NEB: variants seen among roughly 807,000 people sequenced by gnomAD.
NEB encodes nebulin.
A neutral mutation model predicts 952.2 loss-of-function variants in NEB; 512 were observed. The observed-to-expected ratio is 0.54, with a 90% CI of 0.50 to 0.58. The LOEUF (loss-of-function observed/expected upper bound fraction) is 0.58. NEB is among the 20% of genes least tolerant of loss of function. NEB has a pLI of 0.00. For synonymous variants in NEB, 2,900 were observed against 3,149.8 expected (o/e 0.92, Z 2.66); for missense variants, 8,428 against 9,231.1 (o/e 0.91, Z 3.56).
intron 128 of NEB, 46 bp downstream of exon 128, chr2:151,552,626 G>A (rs762879668): frequency 7.3e-7 from 1 of 1,365,536 alleles, no homozygotes; most frequent in Non-Finnish European, 1.0e-6. Flanking sequence ...TTGAGTGGTG[G>A]CCCTGCTTTA....
chr2:151,628,199 C>T (rs1411163710), intron 68 of NEB, among the ~76,000 whole-genome samples: 1 of 152,140 alleles, frequency 6.6e-6, no homozygotes, highest in African/African-American at 2.4e-5. Context: ...TCATCTTGGG[C>T]CCATGAAATC....
At chr2:151,645,207 T>A in intron 55 of NEB, among the ~76,000 whole-genome samples, 1 of 152,180 alleles carries the variant, frequency 6.6e-6, no homozygotes, top group East Asian at 1.9e-4. Context: ...TGAGGTGCTG[T>A]TTTTCAATTC....
intron 71 of NEB, 144 bp from the exon 72 acceptor site, chr2:151,621,170 T>C (rs924648116): frequency 1.3e-5 from 8 of 617,834 alleles, no homozygotes; most frequent in African/African-American, 1.1e-4. Context: ...TTTCTTTTAC[T>C]TTCTGTTTAT....
At chr2:151,543,368 T>C (rs1299378164) in intron 135 of NEB, among the ~76,000 whole-genome samples, 1 of 152,170 alleles carries the variant, frequency 6.6e-6, no homozygotes, top group East Asian at 1.9e-4. Flanking sequence ...TAAAACAAAA[T>C]GTAACTCATG....
Position 151,656,479 on chromosome 2 carries a change from T to G in NEB, c.6184-15A>C. ...TTGTATTTATACTGTGAAGAAAATA[T>G]GAGTTTTTACACAGAGCAATTCCTT... On this transcript the variant is annotated splice_polypyrimidine_tract_variant and intron_variant, in intron 48 of 181. Transcript: ENST00000397345. The G allele has an allele frequency of 1.3e-6, 2 of 1,569,336 alleles. No individual in the cohort carries two copies. The highest frequency in any genetic ancestry group is 1.7e-6 in the Non-Finnish European group (2 of 1,150,092).
intron 68 of NEB, 87 bp downstream of exon 68, chr2:151,629,452 T>TA (rs2098610052): frequency 1.8e-6 from 2 of 1,136,424 alleles, no homozygotes; most frequent in Admixed American, 3.9e-5. Flanking sequence ...TAAATGTGCT[T>TA]AAACTGGCCC....
chr2:151,497,971 G>C, intron 170 of NEB: 1 of 1,434,166 alleles, frequency 7.0e-7, no homozygotes. Context: ...TTGTGAGTAC[G>C]GTGCCTCCTA....
intron 40 of NEB, among the ~76,000 whole-genome samples, chr2:151,666,747 T>C (rs977617866): frequency 6.6e-6 from 1 of 152,148 alleles, no homozygotes; most frequent in African/African-American, 2.4e-5. Flanking sequence ...GGTCTTGCTC[T>C]GTCCCCCAGG....
At position 151,694,643 on chromosome 2, in the gene NEB, T is replaced by A. The variant is rs201797283; in HGVS notation, c.1675-14A>T. 2.5e-5 allele frequency: 39 copies of A among 1,563,010 alleles called. No homozygotes were observed. In the East Asian group the frequency reaches 4.0e-4, roughly 16 times the overall value. On this transcript the variant is annotated splice_polypyrimidine_tract_variant and intron_variant, in intron 18 of 181. Transcript: ENST00000397345. ...CTTATAAAGATTCTGGACAAAAAAA[T>A]TCAGCAAAGGAATTGGCAAAAGTGA...
intron 23 of NEB, among the ~76,000 whole-genome samples, 195 bp from the exon 24 acceptor site, chr2:151,691,020 C>T (rs1394194953): frequency 6.6e-6 from 1 of 152,060 alleles, no homozygotes; most frequent in South Asian, 2.1e-4. Flanking sequence ...TCCCAAGTTG[C>T]CTCTGGTCTG....
At chr2:151,723,280 G>T (rs761395839) in intron 9 of NEB, 102 bp downstream of exon 9, 4 of 634,592 alleles carry the variant, frequency 6.3e-6, no homozygotes, top group Non-Finnish European at 1.1e-5. Context: ...ACAACATTTA[G>T]TCTCTTATAC....
intron 20 of NEB, among the ~76,000 whole-genome samples, chr2:151,693,042 T>G (rs1181441546): frequency 6.6e-6 from 1 of 152,176 alleles, no homozygotes; most frequent in Non-Finnish European, 1.5e-5. Context: ...AAGGTGAACC[T>G]TAGATAATTA....
intron 45 of NEB, among the ~76,000 whole-genome samples, chr2:151,663,227 A>C (rs923488307): frequency 6.6e-6 from 1 of 152,168 alleles, no homozygotes; most frequent in Non-Finnish European, 1.5e-5. Flanking sequence ...TCCTCTATTA[A>C]AAGCCTATTA....
At position 151,506,936 on chromosome 2, in the gene NEB, T is replaced by C; in HGVS notation, c.23529A>G (p.Val7843=). ...AGCTGAAATTCTTCTGATTTTCTTT[T>C]ACACGCAGTATTTCTGGCGTGTCTT... ...VVQDTPEILR[V]KENQKNFSSV... The change falls in exon 163 of 182, where the codon GTA becomes GTG. Residue 7843 remains valine, a synonymous_variant. Transcript: ENST00000397345. 6.2e-7 allele frequency: 1 copy of C among 1,609,792 alleles called. No homozygotes were observed. The highest frequency in any genetic ancestry group is 1.1e-5 in the South Asian group (1 of 90,766).
intron 140 of NEB, 26 bp downstream of exon 140, chr2:151,537,846 T>A: frequency 6.9e-7 from 1 of 1,447,216 alleles, no homozygotes; most frequent in Non-Finnish European, 9.4e-7. Context: ...AATTTATATG[T>A]GAAAATAGAA....
Position 151,553,971 on chromosome 2 carries a change from C to A in NEB, c.19483G>T (p.Asp6495Tyr), listed in dbSNP as rs748977335. ...KNKMKIHIVP[D>Y]MVEMVTAKDS... The stretch of plus-strand genomic sequence containing the variant: ...TTGGCAGTAACCATCTCTACCATGT[C>A]GGGCACGATGTGGATTTTCATCTTG... Residue 6495 changes from aspartate (D) to tyrosine (Y), a missense_variant, in exon 126 of 182, where the codon GAC becomes TAC. By Grantham distance (160) the Asp-to-Tyr change is radical. This residue lies in a region of NEB where 3,374 missense variants were observed against 3,651.5 expected (regional missense o/e 0.92). Transcript: ENST00000397345. The A allele has an allele frequency of 6.2e-6, 10 of 1,613,694 alleles. No individual in the cohort carries two copies. Among genetic ancestry groups the A allele is most frequent in the Non-Finnish European group, 8.5e-6 (10 of 1,179,780 alleles).
chr2:151,573,749 T>A (rs1038042581), intron 107 of NEB, among the ~76,000 whole-genome samples: 2 of 152,202 alleles, frequency 1.3e-5, no homozygotes, highest in African/African-American at 4.8e-5. Context: ...GAGGTCATAC[T>A]ATTCTACACA....
chr2:151,720,118 T>C (rs142291754), intron 9 of NEB, among the ~76,000 whole-genome samples: 42 of 151,908 alleles, frequency 2.8e-4, no homozygotes, highest in African/African-American at 1.0e-3. Context: ...TTATGGAGAA[T>C]AATCTGATTT....
chr2:151,727,542 A>G lies in NEB; in HGVS notation c.294+149T>C, dbSNP rs2099795013. 6.1e-6 allele frequency: 4 copies of G among 658,552 alleles called. No homozygotes were observed. The Admixed American group carries it at 1.2e-4, about 20-fold the overall frequency. The allele number at this position is 658,552 out of a possible 1,614,324, so 40.8% of individuals were successfully genotyped here. A position where few individuals can be genotyped will look rare whatever the true frequency, so the allele number is the denominator to read the frequency against. The stretch of plus-strand genomic sequence containing the variant: ...ATGAATTACATAAAAGGAAAATTCA[A>G]CAGTCACAAGAGCCTATAATTTGCA... On this transcript the variant is annotated intron_variant, in intron 5 of 181. Coordinates refer to ENST00000397345, the MANE Select transcript of NEB (RefSeq NM_001164508.2).
Sources: gnomAD v4.1 joint callset for allele counts (sites outside exome capture counted in the v4.1 genomes callset) on GRCh38, gnomAD v4.1.1 for gene constraint, gnomAD v4.1.1 regional missense constraint, MANE v1.5 for transcripts, NCBI Gene and HGNC (gene_info 2026-07-23, HGNC 2026-07-21) for gene names.